The following PIK3C2G variants were observed in gnomAD, a reference collection of about 807,000 sequenced individuals.
PIK3C2G encodes phosphatidylinositol-4-phosphate 3-kinase catalytic subunit type 2 gamma.
A neutral mutation model predicts 181.1 loss-of-function variants in PIK3C2G; 168 were observed. The observed-to-expected ratio is 0.93, with a 90% confidence interval of 0.82 to 1.05. PIK3C2G has a LOEUF of 1.05. Ranked by LOEUF, PIK3C2G falls within the 50% of genes least tolerant of loss-of-function variation. The pLI, the probability that PIK3C2G is intolerant of heterozygous loss-of-function variation, is 0.00. For missense variants in PIK3C2G, 1,869 were observed against 1,732.8 expected (o/e 1.08, Z -1.40); for synonymous variants, 573 against 592.2 (o/e 0.97, Z 0.47).
At chr12:18,357,979 T>TTCTTCA (rs1190994391) in intron 11 of PIK3C2G, among the ~76,000 whole-genome samples, 1 of 152,230 alleles carries the variant, frequency 6.6e-6, no homozygotes, top group Admixed American at 6.5e-5. Flanking sequence ...ATACCATGTT[T>TTCTTCA]TCTTCATCTA....
At chr12:18,718,503 C>G in the PIK3C2G span, among the ~76,000 whole-genome samples, 6 of 152,136 alleles carry the variant, frequency 3.9e-5, no homozygotes, top group Admixed American at 3.9e-4. Context: ...TCCCTTCATT[C>G]ACCATTGACT....
At chr12:18,606,580 AAATT>A (rs1251253801) in intron 30 of PIK3C2G, among the ~76,000 whole-genome samples, 6 of 152,242 alleles carry the variant, frequency 3.9e-5, no homozygotes, top group African/African-American at 1.2e-4. Flanking sequence ...ATTAACAATA[AAATT>A]AATATCACCT....
the PIK3C2G span, among the ~76,000 whole-genome samples, chr12:18,678,988 C>T: frequency 6.6e-6 from 1 of 152,030 alleles, no homozygotes; most frequent in Non-Finnish European, 1.5e-5. Context: ...TCCACATCCA[C>T]CTCAACATTT....
intron 18 of PIK3C2G, among the ~76,000 whole-genome samples, chr12:18,474,317 C>G (rs530982434): frequency 2.0e-5 from 3 of 152,046 alleles, no homozygotes; most frequent in Non-Finnish European, 4.4e-5. Flanking sequence ...GCCTATATTT[C>G]AAGGCCTTAA....
the PIK3C2G span, among the ~76,000 whole-genome samples, chr12:18,703,658 A>T: frequency 1.3e-5 from 2 of 152,176 alleles, no homozygotes; most frequent in African/African-American, 2.4e-5. Context: ...TTAAATCTGT[A>T]TGTTAACCCT....
At chr12:18,624,390 C>T (rs982623826) in intron 31 of PIK3C2G, among the ~76,000 whole-genome samples, 6 of 151,636 alleles carry the variant, frequency 4.0e-5, no homozygotes, top group African/African-American at 1.5e-4. Flanking sequence ...CCCACTTGTT[C>T]GTCGTCAATG....
the PIK3C2G span, among the ~76,000 whole-genome samples, chr12:18,671,864 C>T: frequency 3.9e-5 from 6 of 152,164 alleles, no homozygotes; most frequent in Admixed American, 2.6e-4. Context: ...GATCAAGGCG[C>T]CTGCAGATTC....
rs377219933 is a variant in PIK3C2G, at chr12:18,609,657, A to T, written c.4182+28A>T. On this transcript the variant is annotated intron_variant, in intron 31 of 32. Coordinates refer to ENST00000538779, the MANE Select transcript of PIK3C2G (RefSeq NM_001288772.2). ...AAGTTTATTATGTATAATAAGAAAC[A>T]TGTAAGCCTACATCCAGAAATCACT... The T allele has an allele frequency of 1.7e-5, 23 of 1,334,078 alleles. No homozygotes were observed. In the African/African-American group the frequency reaches 1.7e-4, roughly 10 times the overall value. 82.6% of individuals were successfully genotyped at this position (1,334,078 alleles called of 1,614,324 possible).
intron 18 of PIK3C2G, among the ~76,000 whole-genome samples, chr12:18,466,443 G>A (rs184939254): frequency 2.1e-3 from 321 of 149,314 alleles, no homozygotes; most frequent in Non-Finnish European, 3.2e-3. Context: ...TTCAGACTTT[G>A]TATTAAAGTA....
intron 31 of PIK3C2G, among the ~76,000 whole-genome samples, chr12:18,623,996 T>A (rs1948983785): frequency 6.6e-6 from 1 of 151,794 alleles, no homozygotes. Context: ...TGATTTAACT[T>A]CTTCTTTTCC....
At chr12:18,378,984 T>C (rs1451299173) in intron 13 of PIK3C2G, among the ~76,000 whole-genome samples, 1 of 152,092 alleles carries the variant, frequency 6.6e-6, no homozygotes, top group Admixed American at 6.5e-5. Flanking sequence ...GAACTAGAAA[T>C]ACCATTTGAT....
intron 1 of PIK3C2G, among the ~76,000 whole-genome samples, chr12:18,269,817 G>A (rs1218004166): frequency 6.6e-6 from 1 of 151,600 alleles, no homozygotes; most frequent in Non-Finnish European, 1.5e-5. Context: ...AAAAATTAAT[G>A]GATTACAGGA....
chr12:18,538,147 G>T lies in PIK3C2G; in HGVS notation c.3324-9G>T. 1 of 1,604,980 alleles carries T rather than the reference G, an allele frequency of 6.2e-7. No individual in the cohort carries two copies. Among genetic ancestry groups the T allele is most frequent in the South Asian group, 1.1e-5 (1 of 88,974 alleles). ...CCTTCGAATGATTGCTACTGTTTTT[G>T]GTTTACAGGGACCGAGCTCCTTTCA... On this transcript the variant is annotated splice_polypyrimidine_tract_variant and intron_variant, in intron 24 of 32. Transcript: ENST00000538779.
the PIK3C2G span, among the ~76,000 whole-genome samples, chr12:18,657,269 T>C: frequency 2.0e-5 from 3 of 152,124 alleles, no homozygotes; most frequent in African/African-American, 7.2e-5. Flanking sequence ...GGAAATGAGA[T>C]GTTTTGGGGA....
At chr12:18,405,642 T>A (rs562847789) in intron 16 of PIK3C2G, among the ~76,000 whole-genome samples, 1 of 152,164 alleles carries the variant, frequency 6.6e-6, no homozygotes, top group African/African-American at 2.4e-5. Context: ...TGAAAAAGAT[T>A]TTCAAAGGCT....
At chr12:18,659,553 A>G in the PIK3C2G span, among the ~76,000 whole-genome samples, 4 of 152,080 alleles carry the variant, frequency 2.6e-5, no homozygotes, top group Admixed American at 6.6e-5. Context: ...AGTTTTATCA[A>G]TTGTCTCAAT....
chr12:18,473,180 G>C (rs1938616097), intron 18 of PIK3C2G, among the ~76,000 whole-genome samples: 1 of 152,062 alleles, frequency 6.6e-6, no homozygotes, highest in African/African-American at 2.4e-5. Context: ...TTCTAAGTAA[G>C]ATTTTGCTTT....
chr12:18,362,650 G>A, intron 11 of PIK3C2G, 114 bp from the exon 12 acceptor site: 1 of 715,646 alleles, frequency 1.4e-6, no homozygotes. Context: ...CATGCTTTAT[G>A]CAAGCAGTCA....
intron 18 of PIK3C2G, among the ~76,000 whole-genome samples, chr12:18,453,730 T>C (rs915713242): frequency 8.6e-4 from 129 of 149,388 alleles, no homozygotes; most frequent in African/African-American, 3.0e-3. Flanking sequence ...TTTTATTCTT[T>C]TCAATTAAAA....
Sources: allele counts gnomAD v4.1 joint callset (sites outside exome capture counted in the v4.1 genomes callset), GRCh38; gene constraint gnomAD v4.1.1; transcripts MANE v1.5; gene names NCBI Gene and HGNC (gene_info 2026-07-23, HGNC 2026-07-21).